Variants in LAMP3 observed in about 807,000 individuals in gnomAD.
LAMP3 encodes lysosome-associated membrane glycoprotein 3.
LAMP3 carries 26 observed loss-of-function variants against 34.8 expected under a neutral mutation model. That is an observed-to-expected ratio of 0.75 (90% CI 0.55 to 1.04). LAMP3 has a LOEUF of 1.04. Ranked by LOEUF, LAMP3 falls within the 50% of genes least tolerant of loss-of-function variation. The pLI, the probability that LAMP3 is intolerant of heterozygous loss-of-function variation, is 0.00. For missense variants in LAMP3, 495 were observed against 524.0 expected, an observed-to-expected ratio of 0.94 and a Z score of 0.54; for synonymous variants, 180 against 201.9, an observed-to-expected ratio of 0.89 and a Z score of 0.92.
At chr3:183,132,959 G>A in intron 5 of LAMP3, 1 of 985,010 alleles carries the variant, frequency 1.0e-6, no homozygotes, top group Non-Finnish European at 1.2e-6. Flanking sequence ...TTCATCCGCT[G>A]TAATTGAAGT....
At chr3:183,127,182 T>G (rs990299287) in intron 5 of LAMP3, among the ~76,000 whole-genome samples, 1 of 152,118 alleles carries the variant, frequency 6.6e-6, no homozygotes, top group Non-Finnish European at 1.5e-5. Flanking sequence ...TTGCCCAGGC[T>G]GGGGGGCAGT....
intron 2 of LAMP3, among the ~76,000 whole-genome samples, chr3:183,153,248 C>T (rs1014207039): frequency 1.3e-5 from 2 of 151,790 alleles, no homozygotes; most frequent in Non-Finnish European, 2.9e-5. Flanking sequence ...CGCAATCCCT[C>T]TCCCTCGGTT....
At chr3:183,163,697 GCA>G (rs1721052461), upstream of LAMP3, 1 of 152,334 alleles carries the variant, frequency 6.6e-6, no homozygotes, top group Non-Finnish European at 1.5e-5. Flanking sequence ...AAACCCCTAA[GCA>G]CCCTGACTCC....
intron 3 of LAMP3, among the ~76,000 whole-genome samples, chr3:183,150,926 G>A (rs1207381293): frequency 6.6e-6 from 1 of 152,102 alleles, no homozygotes; most frequent in Non-Finnish European, 1.5e-5. Flanking sequence ...CATTTTGTGT[G>A]ACGGTTGACA....
intron 1 of LAMP3, among the ~76,000 whole-genome samples, chr3:183,156,658 A>G (rs1250413475): frequency 6.6e-6 from 1 of 152,234 alleles, no homozygotes; most frequent in Non-Finnish European, 1.5e-5. Flanking sequence ...TAATAACAAT[A>G]AAAATTCCAA....
rs970398801 is a variant in LAMP3 at position 183,137,687 on chromosome 3, C to A, written c.947-1800G>T. Among the ~76,000 whole-genome samples, 9 of 152,146 alleles carry A rather than the reference C, an allele frequency of 5.9e-5. No homozygotes were observed. The South Asian group carries it at 6.2e-4, about 11-fold the overall frequency. On this transcript the variant is annotated intron_variant, in intron 4 of 5. Transcript: ENST00000265598. ...TTACAACTGATTACTATTCTTAATA[C>A]CCCCACTAACATGAAAATCATCATT...
intron 3 of LAMP3, among the ~76,000 whole-genome samples, chr3:183,150,565 C>CTT (rs10665288): frequency 0.38 from 32,791 of 85,912 alleles, 5,965 homozygotes; most frequent in Non-Finnish European, 0.49. Flanking sequence ...GCCAAAGTGA[C>CTT]TTTTTTTTTT....
intron 3 of LAMP3, among the ~76,000 whole-genome samples, chr3:183,143,020 C>T (rs938393483): frequency 6.6e-6 from 1 of 152,198 alleles, no homozygotes; most frequent in African/African-American, 2.4e-5. Context: ...ATCTTAAGGA[C>T]ACACAGGACA....
intron 3 of LAMP3, 47 bp from the exon 4 acceptor site, chr3:183,140,642 G>A (rs922729316): frequency 8.4e-7 from 1 of 1,189,480 alleles, no homozygotes; most frequent in East Asian, 2.3e-5. Context: ...CTACTCATAT[G>A]TTTACAATCT....
chr3:183,125,334 GA>G (rs923715367), intron 5 of LAMP3, among the ~76,000 whole-genome samples: 8 of 152,008 alleles, frequency 5.3e-5, no homozygotes, highest in Admixed American at 5.2e-4. Context: ...TGAGATCTGA[GA>G]AAAAAAGTAT....
intron 3 of LAMP3, among the ~76,000 whole-genome samples, chr3:183,150,713 T>G (rs939281077): frequency 6.6e-6 from 1 of 152,042 alleles, no homozygotes; most frequent in African/African-American, 2.4e-5. Flanking sequence ...TGTGCTACCA[T>G]GCCCAGCTAA....
intron 5 of LAMP3, chr3:183,132,953 T>A (rs1719971520): frequency 9.1e-6 from 9 of 985,306 alleles, no homozygotes; most frequent in Non-Finnish European, 9.6e-6. Context: ...GAAGCATTCA[T>A]CCGCTGTAAT....
At chr3:183,145,673 T>C (rs543557007) in intron 3 of LAMP3, among the ~76,000 whole-genome samples, 6 of 152,226 alleles carry the variant, frequency 3.9e-5, no homozygotes, top group Admixed American at 1.3e-4. Context: ...CTGGCCAACA[T>C]GGCGAAACCC....
intron 3 of LAMP3, among the ~76,000 whole-genome samples, chr3:183,143,821 T>C (rs946664263): frequency 3.3e-5 from 5 of 152,242 alleles, no homozygotes; most frequent in African/African-American, 1.2e-4. Flanking sequence ...GGAAATAAAA[T>C]CGTCTTTGGT....
intron 4 of LAMP3, among the ~76,000 whole-genome samples, chr3:183,138,196 A>C (rs549910870): frequency 6.6e-6 from 1 of 152,260 alleles, no homozygotes; most frequent in East Asian, 1.9e-4. Context: ...AACATTAGCA[A>C]ATTTATGTTA....
At chr3:183,161,167 G>A (rs1576892128) in intron 1 of LAMP3, among the ~76,000 whole-genome samples, 2 of 152,190 alleles carry the variant, frequency 1.3e-5, no homozygotes, top group South Asian at 2.1e-4. Context: ...CACCCGAAAG[G>A]TTGGGTGATG....
chr3:183,127,461 TA>T (rs1719808591), intron 5 of LAMP3, among the ~76,000 whole-genome samples: 1 of 152,158 alleles, frequency 6.6e-6, no homozygotes, highest in Non-Finnish European at 1.5e-5. Flanking sequence ...TCACTGTTTT[TA>T]ACATTGTCTA....
intron 5 of LAMP3, among the ~76,000 whole-genome samples, chr3:183,127,427 A>G (rs1719807668): frequency 6.6e-6 from 1 of 152,040 alleles, no homozygotes; most frequent in Admixed American, 6.6e-5. Flanking sequence ...GTGCCCAGAC[A>G]ACTCCAAATT....
At chr3:183,140,711 G>A (rs1312371080) in intron 3 of LAMP3, 116 bp from the exon 4 acceptor site, 12 of 684,614 alleles carry the variant, frequency 1.8e-5, no homozygotes, top group Non-Finnish European at 3.1e-5. Context: ...GGGCTGGGGA[G>A]TTACTTGGTA....
Sources: gnomAD v4.1 joint callset for allele counts (sites outside exome capture counted in the v4.1 genomes callset) on GRCh38, gnomAD v4.1.1 for gene constraint, MANE v1.5 for transcripts, NCBI Gene and HGNC (gene_info 2026-07-23, HGNC 2026-07-21) for gene names.